CRMP1: variants seen among roughly 807,000 people sequenced by gnomAD.
CRMP1 encodes collapsin response mediator protein 1.
In CRMP1, 19 loss-of-function variants were observed where a neutral mutation model predicts 68.3. The ratio of observed to expected loss-of-function variants is 0.28; its 90% CI spans 0.19 to 0.41. CRMP1 has a LOEUF of 0.41. Ranked by LOEUF, CRMP1 falls within the 10% of genes least tolerant of loss-of-function variation. The pLI is 1.00. For synonymous variants in CRMP1, 439 were observed against 399.6 expected, an observed-to-expected ratio of 1.10 and a Z score of -1.18; for missense variants, 791 against 967.4, an observed-to-expected ratio of 0.82 and a Z score of 2.42.
Position 5,824,994 on chromosome 4 carries a change from G to A in CRMP1, c.1969+500C>T, listed in dbSNP as rs148620180. 1.2e-4 allele frequency: 118 copies of A among 985,380 alleles called. No individual in the cohort carries two copies. The South Asian group carries it at 1.4e-3, about 12-fold the overall frequency. The allele number at this position is 985,380 out of a possible 1,614,324, so 61.0% of individuals were successfully genotyped here. A position where few individuals can be genotyped will look rare whatever the true frequency, so the allele number is the denominator to read the frequency against. The stretch of plus-strand genomic sequence containing the variant: ...TGACACTGGATTTCTTGGGGCTTCC[G>A]TTTCCTCTTTAAATAAATAGGGTAT... On this transcript the variant is annotated intron_variant, in intron 13 of 13. Transcript: ENST00000324989.
intron 6 of CRMP1, among the ~76,000 whole-genome samples, chr4:5,846,980 C>G (rs1712265370): frequency 6.6e-6 from 1 of 151,840 alleles, no homozygotes; most frequent in Admixed American, 6.6e-5. Context: ...ACATGTACTA[C>G]CTTTCACGAA....
intron 6 of CRMP1, among the ~76,000 whole-genome samples, chr4:5,846,629 C>T (rs1189611437): frequency 1.3e-5 from 2 of 151,762 alleles, no homozygotes; most frequent in Admixed American, 6.6e-5. Context: ...GTCTCACTGT[C>T]ACCCAGGCTG....
At position 5,827,675 on chromosome 4, in the gene CRMP1, C is replaced by T. The variant is rs144980090; in HGVS notation, c.1803+814G>A. Reference sequence around the variant, plus strand: ...ACATCCCCATATGCACACATACACACGTGCATGCATGTACACATGCACACA... The same window carrying T: ...ACATCCCCATATGCACACATACACATGTGCATGCATGTACACATGCACACA... On this transcript the variant is annotated intron_variant, in intron 12 of 13. Coordinates refer to ENST00000324989, the MANE Select transcript of CRMP1 (RefSeq NM_001014809.3). 5.7e-3 allele frequency among the ~76,000 whole-genome samples: 869 copies of T among 151,890 alleles called. 5 individuals carry two copies. The highest frequency in any genetic ancestry group is 8.2e-3 in the Non-Finnish European group (560 of 67,978).
At chr4:5,849,295 TG>T (rs1254536882) in intron 6 of CRMP1, 96 bp downstream of exon 6, 2 of 972,670 alleles carry the variant, frequency 2.1e-6, no homozygotes, top group Non-Finnish European at 3.2e-6. Flanking sequence ...GACCTTTCAT[TG>T]TACAGCCTCC....
chr4:5,882,868 C>G (rs1715301955), intron 1 of CRMP1, among the ~76,000 whole-genome samples: 1 of 152,178 alleles, frequency 6.6e-6, no homozygotes, highest in Non-Finnish European at 1.5e-5. Flanking sequence ...ATCCGAGGCC[C>G]AGGGAGAGAA....
intron 1 of CRMP1, among the ~76,000 whole-genome samples, chr4:5,878,518 T>C (rs187532515): frequency 1.3e-4 from 20 of 152,320 alleles, no homozygotes; most frequent in Admixed American, 1.3e-3. Flanking sequence ...TGTCATCTAA[T>C]AAACATTGCC....
chr4:5,887,147 T>C (rs979888737), intron 1 of CRMP1, among the ~76,000 whole-genome samples: 2 of 152,172 alleles, frequency 1.3e-5, no homozygotes, highest in African/African-American at 2.4e-5. Flanking sequence ...AAAGCCTTGC[T>C]GCCACCATTT....
At chr4:5,824,401 C>T in intron 13 of CRMP1, 2 of 985,314 alleles carry the variant, frequency 2.0e-6, no homozygotes, top group Non-Finnish European at 2.4e-6. Flanking sequence ...TGATTCATGC[C>T]TCCTCGGCAT....
rs751299744 is a variant in CRMP1, at chr4:5,856,186, G to A, written c.777C>T (p.Tyr259=). The part of the protein sequence containing the change: ...YSLHVDITSW[Y]DGVREELEVL... The stretch of plus-strand genomic sequence containing the variant: ...CCTCCAGCTCCTCCCGAACGCCATC[G>A]TACCAGCTTGTGATGTCCACGTGGA... Residue 259 remains tyrosine (Y), a synonymous_variant, in exon 4 of 14, where the codon TAC becomes TAT. Coordinates refer to ENST00000324989, the MANE Select transcript of CRMP1 (RefSeq NM_001014809.3). 17 of 1,613,862 alleles carry A rather than the reference G, an allele frequency of 1.1e-5. No individual in the cohort carries two copies. Among genetic ancestry groups the A allele is most frequent in the South Asian group, 9.9e-5 (9 of 91,088 alleles).
chr4:5,869,643 C>T (rs544582200), intron 1 of CRMP1, among the ~76,000 whole-genome samples: 65 of 148,344 alleles, frequency 4.4e-4, no homozygotes, highest in African/African-American at 1.6e-3. Context: ...GAGATAGCGC[C>T]ACTGCACTCC....
intron 9 of CRMP1, among the ~76,000 whole-genome samples, chr4:5,837,692 TAAAATAAAAA>T (rs1477601371): frequency 3.1e-4 from 46 of 149,968 alleles, no homozygotes; most frequent in African/African-American, 1.1e-3. Flanking sequence ...TAAAATAAAA[TAAAATAAAAA>T]ATGAATGGAC....
chr4:5,821,531 T>C lies in CRMP1; in HGVS notation c.*229A>G, dbSNP rs1331445361. ...CTAGGAAGGGGGAATGAAAACACCA[T>C]GCTCCGAGGTGGATTCAGCATGAAC... On this transcript the variant is annotated 3_prime_UTR_variant, in exon 14 of 14. Transcript: ENST00000324989. The surrounding 1 kb of genome is among the most constrained non-coding windows in gnomAD (Gnocchi z 4.4). 1.8e-6 allele frequency: 1 copy of C among 545,658 alleles called. No homozygotes were observed. Among genetic ancestry groups the C allele is most frequent in the Non-Finnish European group, 3.3e-6 (1 of 304,630 alleles). The allele number at this position is 545,658 out of a possible 1,614,324, so 33.8% of individuals were successfully genotyped here.
chr4:5,886,856 G>A (rs1029109516), intron 1 of CRMP1, among the ~76,000 whole-genome samples: 1 of 152,216 alleles, frequency 6.6e-6, no homozygotes, highest in Non-Finnish European at 1.5e-5. Flanking sequence ...TAGTGTTTAC[G>A]AATGGGCCGC....
At chr4:5,835,739 G>A (rs1176288591) in intron 11 of CRMP1, among the ~76,000 whole-genome samples, 176 bp downstream of exon 11, 4 of 152,222 alleles carry the variant, frequency 2.6e-5, no homozygotes, top group Non-Finnish European at 5.9e-5. Context: ...AGTTGAGCCT[G>A]CTCAGATCCC....
At chr4:5,822,135 CACTT>C (rs577420379) in intron 13 of CRMP1, among the ~76,000 whole-genome samples, 28 of 152,378 alleles carry the variant, frequency 1.8e-4, no homozygotes, top group Non-Finnish European at 2.9e-4. Context: ...GGTGATCAAA[CACTT>C]ACTGAGTGCC....
At position 5,825,976 on chromosome 4, in the gene CRMP1, CAG is replaced by C; in HGVS notation, c.1804-319_1804-318del. 1 of 393,458 alleles carries C rather than the reference CAG, an allele frequency of 2.5e-6. No individual in the cohort carries two copies. The highest frequency in any genetic ancestry group is 4.6e-6 in the Non-Finnish European group (1 of 219,468). The allele number at this position is 393,458 out of a possible 1,614,324, so 24.4% of individuals were successfully genotyped here. Reference sequence around the variant, plus strand: ...TATGCATGCACATGCAGTAACAAAACAGGCCTACACAGTAGCATACACGCGTG... The same window carrying C: ...TATGCATGCACATGCAGTAACAAAACGCCTACACAGTAGCATACACGCGTG... On this transcript the variant is annotated intron_variant, in intron 12 of 13. Coordinates refer to ENST00000324989, the MANE Select transcript of CRMP1 (RefSeq NM_001014809.3). This position sits in a 1 kb window ranked among gnomAD's most constrained non-coding sequence, Gnocchi z 4.4.
rs1712964250 is a variant in CRMP1, at chr4:5,855,301, A to G, written c.820+842T>C. 6.6e-6 allele frequency among the ~76,000 whole-genome samples: 1 copy of G among 152,170 alleles called. No homozygotes were observed. The highest frequency in any genetic ancestry group is 6.5e-5 in the Admixed American group (1 of 15,282). Reference sequence around the variant, plus strand: ...TACTGTTATTACGAGAAAACATAGCACAGCTATTTTAAAAATTGGAAACAC... The same window carrying G: ...TACTGTTATTACGAGAAAACATAGCGCAGCTATTTTAAAAATTGGAAACAC... On this transcript the variant is annotated intron_variant, in intron 4 of 13. Transcript: ENST00000324989. The surrounding 1 kb of genome is among the most constrained non-coding windows in gnomAD (Gnocchi z 4.9).
Position 5,833,307 on chromosome 4 carries a change from C to G in CRMP1, c.1623+2608G>C, listed in dbSNP as rs1426863049. On this transcript the variant is annotated intron_variant, in intron 11 of 13. Coordinates refer to ENST00000324989, the MANE Select transcript of CRMP1 (RefSeq NM_001014809.3). ...TCAGCCTCCCGAGTAGCTGGGACTA[C>G]AGGCGCCCGCCACTACGCCCGGCTA... Among the ~76,000 whole-genome samples the G allele has an allele frequency of 4.5e-5, 6 of 131,930 alleles. 2 individuals are homozygous for G. The highest frequency in any genetic ancestry group is 1.5e-4 in the African/African-American group (5 of 33,228). The allele number at this position is 131,930 out of a possible 152,430, so 86.6% of individuals were successfully genotyped here. A position where few individuals can be genotyped will look rare whatever the true frequency, so the allele number is the denominator to read the frequency against.
rs1256721360 is a variant in CRMP1, at chr4:5,888,552, C to A, written c.381+4037G>T. On this transcript the variant is annotated intron_variant, in intron 1 of 13. Transcript: ENST00000324989. The surrounding 1 kb of genome is among the most constrained non-coding windows in gnomAD (Gnocchi z 6.4). ...GGGGGCTGCAGACAGCTCCTCCCGG[C>A]GGCGCGGAGCGAAGCCGGATTCGCC... 17 of 1,137,434 alleles carry A rather than the reference C, an allele frequency of 1.5e-5. No individual in the cohort carries two copies. The highest frequency in any genetic ancestry group is 1.6e-5 in the African/African-American group (1 of 61,570). 70.5% of individuals were successfully genotyped at this position (1,137,434 alleles called of 1,614,324 possible). A position where few individuals can be genotyped will look rare whatever the true frequency, so the allele number is the denominator to read the frequency against.
Sources: allele counts gnomAD v4.1 joint callset (sites outside exome capture counted in the v4.1 genomes callset), GRCh38; gene constraint gnomAD v4.1.1; non-coding constraint Gnocchi (gnomAD v3.1); transcripts MANE v1.5; gene names NCBI Gene and HGNC (gene_info 2026-07-23, HGNC 2026-07-21).